Variants in SNTG1 observed in about 807,000 individuals in gnomAD.
The protein encoded by SNTG1 is gamma-1-syntrophin.
Under a neutral mutation model 74.7 loss-of-function variants are expected in SNTG1, and 39 were observed. The ratio of observed to expected loss-of-function variants is 0.52; its 90% CI spans 0.40 to 0.68. The LOEUF is 0.68. Ranked by LOEUF, SNTG1 falls within the 30% of genes least tolerant of loss-of-function variation. The pLI is 0.00. For missense variants in SNTG1, 685 were observed against 609.5 expected (o/e 1.12, Z -1.30); for synonymous variants, 254 against 217.1 (o/e 1.17, Z -1.49).
At chr8:50,188,929 G>A (rs1370582389) in intron 2 of SNTG1, among the ~76,000 whole-genome samples, 1 of 152,072 alleles carries the variant, frequency 6.6e-6, no homozygotes, top group Non-Finnish European at 1.5e-5. Context: ...AACCCAAGAG[G>A]CAGAGCAGAT....
At chr8:50,274,334 A>C (rs6473040) in intron 2 of SNTG1, among the ~76,000 whole-genome samples, 1 of 151,906 alleles carries the variant, frequency 6.6e-6, no homozygotes, top group East Asian at 1.9e-4. Flanking sequence ...TGATCCACTC[A>C]CCTACGCTTC....
chr8:50,175,675 C>T (rs928573096), intron 2 of SNTG1, among the ~76,000 whole-genome samples: 3 of 152,244 alleles, frequency 2.0e-5, no homozygotes, highest in Non-Finnish European at 4.4e-5. Flanking sequence ...AATAAGAGTA[C>T]AGGTTATACA....
intron 12 of SNTG1, among the ~76,000 whole-genome samples, chr8:50,581,700 G>C (rs533462962): frequency 1.9e-4 from 29 of 152,048 alleles, no homozygotes; most frequent in South Asian, 6.2e-4. Context: ...TGAGGGAAGG[G>C]GAAATGGAAG....
At chr8:50,771,524 C>A (rs1486623973) in intron 18 of SNTG1, among the ~76,000 whole-genome samples, 2 of 151,964 alleles carry the variant, frequency 1.3e-5, no homozygotes, top group East Asian at 3.9e-4. Context: ...AAGAGGAAAG[C>A]AGAACGTAAA....
chr8:50,114,936 T>C (rs1302885307), intron 1 of SNTG1, among the ~76,000 whole-genome samples: 1 of 152,116 alleles, frequency 6.6e-6, no homozygotes, highest in East Asian at 1.9e-4. Context: ...AGCAATTAGT[T>C]TGATTGTGAT....
At chr8:50,152,575 T>C (rs1487373623) in intron 1 of SNTG1, among the ~76,000 whole-genome samples, 2 of 152,230 alleles carry the variant, frequency 1.3e-5, no homozygotes, top group Non-Finnish European at 2.9e-5. Context: ...TAGTGCTTCC[T>C]TCAGGAGCTC....
chr8:49,928,653 A>G (rs1157422380), intron 1 of SNTG1, among the ~76,000 whole-genome samples: 1 of 152,150 alleles, frequency 6.6e-6, no homozygotes, highest in Non-Finnish European at 1.5e-5. Context: ...ATTTTGCCCA[A>G]TTTTGCTGTC....
At chr8:50,347,942 A>T (rs927180052) in intron 2 of SNTG1, among the ~76,000 whole-genome samples, 2 of 152,214 alleles carry the variant, frequency 1.3e-5, no homozygotes, top group African/African-American at 4.8e-5. Flanking sequence ...ATGAAAATAT[A>T]TATGATATAA....
In SNTG1 at chr8:50,343,148, G is replaced by A. The variant is rs190309336; in HGVS notation, c.-27-51064G>A. Among the ~76,000 whole-genome samples, 602 of 152,208 alleles carry A rather than the reference G, an allele frequency of 4.0e-3. 6 individuals carry two copies. Among genetic ancestry groups the A allele is most frequent in the South Asian group, 0.032 (153 of 4,816 alleles). On this transcript the variant is annotated intron_variant, in intron 2 of 18. Transcript: ENST00000642720. ...CGTGATGGATTTATGTCGCTCATAG[G>A]AATTGCACCCGGTCAGACCTGAACA...
intron 4 of SNTG1, among the ~76,000 whole-genome samples, chr8:50,437,168 T>C (rs2093312967): frequency 6.6e-6 from 1 of 152,164 alleles, no homozygotes; most frequent in South Asian, 2.1e-4. Context: ...ACTCAGCACA[T>C]TGTCAAAATA....
chr8:50,461,156 G>GGGGT (rs2093557554), intron 8 of SNTG1, among the ~76,000 whole-genome samples: 1 of 124,088 alleles, frequency 8.1e-6, no homozygotes, highest in South Asian at 3.1e-4. Flanking sequence ...AGATTTTTCT[G>GGGGT]GTGTGTGTGT....
intron 15 of SNTG1, among the ~76,000 whole-genome samples, chr8:50,675,152 G>A (rs2095304276): frequency 6.6e-6 from 1 of 152,100 alleles, no homozygotes; most frequent in Admixed American, 6.6e-5. Flanking sequence ...CTGATTTGGG[G>A]TGGAGAGTTC....
chr8:50,374,230 C>A (rs1400245517), intron 2 of SNTG1, among the ~76,000 whole-genome samples: 1 of 152,134 alleles, frequency 6.6e-6, no homozygotes, highest in Non-Finnish European at 1.5e-5. Context: ...GTGAATTGAC[C>A]CTTTTAGCCT....
chr8:50,018,144 T>A (rs1440541388), intron 1 of SNTG1, among the ~76,000 whole-genome samples: 1 of 151,998 alleles, frequency 6.6e-6, no homozygotes, highest in East Asian at 1.9e-4. Context: ...CTAGCAAGTG[T>A]TTTGCATAAA....
At chr8:50,462,309 ATAACT>A (rs1391571670) in intron 8 of SNTG1, among the ~76,000 whole-genome samples, 7 of 150,506 alleles carry the variant, frequency 4.7e-5, no homozygotes, top group African/African-American at 1.5e-4. Flanking sequence ...AAAAATGTAC[ATAACT>A]TAATTAAAAA....
intron 8 of SNTG1, among the ~76,000 whole-genome samples, chr8:50,471,341 A>G (rs1451554424): frequency 6.6e-6 from 1 of 151,968 alleles, no homozygotes; most frequent in East Asian, 1.9e-4. Context: ...ATATACTTAT[A>G]GTCTATGTAA....
At chr8:50,493,968 C>A (rs965660483) in intron 8 of SNTG1, among the ~76,000 whole-genome samples, 5 of 151,406 alleles carry the variant, frequency 3.3e-5, no homozygotes, top group African/African-American at 1.2e-4. Flanking sequence ...TTAAAGAGAG[C>A]CCTAAGTTGG....
chr8:50,190,506 G>T (rs919449415), intron 2 of SNTG1, among the ~76,000 whole-genome samples: 1 of 152,016 alleles, frequency 6.6e-6, no homozygotes, highest in African/African-American at 2.4e-5. Flanking sequence ...TGATTTAAAT[G>T]ATTTCTCTTT....
At chr8:50,434,400 T>C (rs1472173698) in intron 4 of SNTG1, among the ~76,000 whole-genome samples, 3 of 152,212 alleles carry the variant, frequency 2.0e-5, no homozygotes, top group Non-Finnish European at 4.4e-5. Context: ...TTTGGGTAGA[T>C]ACTCAGTAAT....
Sources: allele counts gnomAD v4.1 joint callset (sites outside exome capture counted in the v4.1 genomes callset), GRCh38; gene constraint gnomAD v4.1.1; transcripts MANE v1.5; gene names NCBI Gene and HGNC (gene_info 2026-07-23, HGNC 2026-07-21).